DRC4: variants seen among roughly 807,000 people sequenced by gnomAD.
DRC4 encodes the protein dynein regulatory complex subunit 4, also known as GAS-11.
At chr16:90,043,086 T>C in the DRC4 span, 1 of 1,281,876 alleles carries the variant, frequency 7.8e-7, no homozygotes, top group Non-Finnish European at 1.1e-6. Flanking sequence ...CCTTTGGCTT[T>C]ATCCTTCTGC....
chr16:90,041,667 G>A, the DRC4 span, among the ~76,000 whole-genome samples: 1 of 152,052 alleles, frequency 6.6e-6, no homozygotes, highest in Admixed American at 6.5e-5. Context: ...AGCTGGGCTT[G>A]GTGGCGGGTG....
the DRC4 span, chr16:90,043,022 C>T: frequency 1.5e-6 from 1 of 663,038 alleles, no homozygotes; most frequent in Non-Finnish European, 2.5e-6. Context: ...GCTACCTGAG[C>T]CAACGCAGTG....
chr16:90,037,926 G>T, the DRC4 span: 1 of 1,331,742 alleles, frequency 7.5e-7, no homozygotes, highest in South Asian at 1.2e-5. Context: ...AAGGTGAGCG[G>T]GCACTAGGCT....
At chr16:90,025,198 T>G in the DRC4 span, among the ~76,000 whole-genome samples, 1 of 150,794 alleles carries the variant, frequency 6.6e-6, no homozygotes, top group African/African-American at 2.4e-5. Context: ...TTTGTATTTT[T>G]AGTAGAGACA....
At chr16:90,030,455 C>T in the DRC4 span, among the ~76,000 whole-genome samples, 1 of 152,018 alleles carries the variant, frequency 6.6e-6, no homozygotes, top group Non-Finnish European at 1.5e-5. Context: ...ATCCTCCTAC[C>T]TCAGTCTTCT....
chr16:90,036,492 CG>C, the DRC4 span: 1 of 1,614,158 alleles, frequency 6.2e-7, no homozygotes, highest in South Asian at 1.1e-5. Context: ...CAGATCCACA[CG>C]CTGATGCAGC....
the DRC4 span, chr16:90,037,867 G>A: frequency 6.2e-7 from 1 of 1,609,246 alleles, no homozygotes; most frequent in Non-Finnish European, 8.5e-7. Context: ...CACCACGCTG[G>A]CCCTGCAGTT....
the DRC4 span, among the ~76,000 whole-genome samples, chr16:90,032,449 G>C: frequency 1.4e-5 from 2 of 144,598 alleles, no homozygotes. Flanking sequence ...TACAGGTATG[G>C]ACAGGTGAGG....
At chr16:90,024,236 G>T in the DRC4 span, among the ~76,000 whole-genome samples, 3 of 152,172 alleles carry the variant, frequency 2.0e-5, no homozygotes, top group South Asian at 6.2e-4. Flanking sequence ...TCTTGAACCT[G>T]GAAGGTAGAG....
chr16:90,041,423 C>T, the DRC4 span, among the ~76,000 whole-genome samples: 1 of 152,198 alleles, frequency 6.6e-6, no homozygotes, highest in African/African-American at 2.4e-5. Flanking sequence ...AGGCAGGAGC[C>T]CAAGAAGTCC....
At chr16:90,040,867 C>T in the DRC4 span, among the ~76,000 whole-genome samples, 1 of 151,224 alleles carries the variant, frequency 6.6e-6, no homozygotes, top group Non-Finnish European at 1.5e-5. Flanking sequence ...GGGGGAACGA[C>T]GGGTCCCGGC....
chr16:90,029,152 A>ATGGGG, the DRC4 span: 1 of 1,352,278 alleles, frequency 7.4e-7, no homozygotes, highest in Non-Finnish European at 9.9e-7. Context: ...GGGGCAGCCT[A>ATGGGG]CGGGGCAGGC....
chr16:90,033,491 C>T, the DRC4 span, among the ~76,000 whole-genome samples: 21 of 152,270 alleles, frequency 1.4e-4, no homozygotes, highest in Admixed American at 2.6e-4. Context: ...AGTTGAACCC[C>T]ATGTCTAAAA....
the DRC4 span, among the ~76,000 whole-genome samples, chr16:90,041,446 G>A: frequency 2.0e-5 from 3 of 152,208 alleles, no homozygotes; most frequent in East Asian, 3.8e-4. Flanking sequence ...GCCTCGCCAC[G>A]TGGTGAGACC....
At chr16:90,027,842 GC>G in the DRC4 span, 2 of 895,936 alleles carry the variant, frequency 2.2e-6, no homozygotes, top group South Asian at 1.5e-5. Context: ...GCCAGAACAC[GC>G]CCCCCGCGTG....
At chr16:90,040,528 C>G in the DRC4 span, 48 of 1,574,690 alleles carry the variant, frequency 3.0e-5, no homozygotes, top group South Asian at 4.7e-4. Context: ...TAGACAGGCT[C>G]CTGACCCCAG....
the DRC4 span, chr16:90,037,257 A>G: frequency 6.2e-7 from 1 of 1,612,864 alleles, no homozygotes; most frequent in Non-Finnish European, 8.5e-7. Flanking sequence ...ATGCGGAAGA[A>G]GGAGGACCAC....
the DRC4 span, among the ~76,000 whole-genome samples, chr16:90,038,183 C>G: frequency 6.6e-6 from 1 of 152,198 alleles, no homozygotes; most frequent in Non-Finnish European, 1.5e-5. Context: ...CGAGAGCTCA[C>G]CTCTGAAAGC....
chr16:90,020,416 A>G, the DRC4 span, among the ~76,000 whole-genome samples: 3 of 152,192 alleles, frequency 2.0e-5, no homozygotes, highest in African/African-American at 7.2e-5. Flanking sequence ...GAGGCGGTTT[A>G]CCTGGTGGAT....
Sources: allele counts gnomAD v4.1 joint callset (sites outside exome capture counted in the v4.1 genomes callset), GRCh38; gene constraint gnomAD v4.1.1; transcripts MANE v1.5; gene names NCBI Gene and HGNC (gene_info 2026-07-23, HGNC 2026-07-21).